TCN1: variants seen among roughly 807,000 people sequenced by gnomAD.
TCN1 encodes transcobalamin 1.
In TCN1, 47 loss-of-function variants were observed where a neutral mutation model predicts 46.3. The observed-to-expected ratio is 1.01, with a 90% confidence interval of 0.80 to 1.29. The LOEUF (loss-of-function observed/expected upper bound fraction) is 1.29, where lower values mean the gene tolerates loss of function less well. Among genes scored for constraint, TCN1 ranks in the 50% most tolerant of loss-of-function variants. The probability of loss-of-function intolerance (pLI) is 0.00; values close to 1 mark genes in which losing one functional copy is unlikely to be tolerated. For missense variants in TCN1, 532 were observed against 511.0 expected, an observed-to-expected ratio of 1.04 and a Z score of -0.40; for synonymous variants, 183 against 192.5, an observed-to-expected ratio of 0.95 and a Z score of 0.41.
At position 59,854,632 on chromosome 11, in the gene TCN1, T is replaced by C; in HGVS notation, c.1121+20A>G. 1 of 1,611,464 alleles carries C rather than the reference T, an allele frequency of 6.2e-7. No homozygotes were observed. Among genetic ancestry groups the C allele is most frequent in the Non-Finnish European group, 8.5e-7 (1 of 1,177,926 alleles). On this transcript the variant is annotated intron_variant, in intron 7 of 8. Coordinates refer to ENST00000257264, the MANE Select transcript of TCN1 (RefSeq NM_001062.4). ...GAAATGACAGCAAACATCTTAACCT[T>C]AGGTTAGGTACAGACCTACCCAAAT...
Position 59,853,314 on chromosome 11 carries a change from T to G in TCN1, c.1129A>C (p.Met377Leu), listed in dbSNP as rs1166016566. ...KMNDTIFGFT[M>L]EERSWGPYIT... ...TAGGGCCCCCATGAGCGCTCCTCCATTGTGAAACTGTGGGTGACAGCAAGT... is the reference window on the plus strand; with the variant it reads ...TAGGGCCCCCATGAGCGCTCCTCCAGTGTGAAACTGTGGGTGACAGCAAGT... Residue 377 changes from methionine (M) to leucine (L), a missense_variant, in exon 8 of 9, where the codon ATG becomes CTG. Physicochemically the swap from Met to Leu is conservative, Grantham distance 15 (BLOSUM62 2). Transcript: ENST00000257264. 6.2e-7 allele frequency: 1 copy of G among 1,613,690 alleles called. No homozygotes were observed. Among genetic ancestry groups the G allele is most frequent in the Admixed American group, 1.7e-5 (1 of 60,006 alleles).
chr11:59,864,033 G>A lies in TCN1; in HGVS notation c.133C>T (p.Gln45Ter). 1 of 1,613,938 alleles carries A rather than the reference G, an allele frequency of 6.2e-7. No homozygotes were observed. The highest frequency in any genetic ancestry group is 8.5e-7 in the Non-Finnish European group (1 of 1,179,828). The change falls in exon 2 of 9, where the codon CAG becomes TAG. Residue 45 changes from glutamine (Q) to a stop codon, truncating the protein, a stop_gained. Transcript: ENST00000257264. LOFTEE classifies it high-confidence loss of function. ...CTGGTTCCCCTGTTATAGTTTGACT[G>A]GATCATTGTATTCAACAGAGGTTTT... is the stretch of plus-strand genomic sequence containing the variant. ...RLKPLLNTMIQSNYNRGTSAV... is the reference protein window; with the variant it reads ...RLKPLLNTMI
At chr11:59,855,127 C>CT (rs950807441) in intron 6 of TCN1, among the ~76,000 whole-genome samples, 14 of 150,254 alleles carry the variant, frequency 9.3e-5, no homozygotes, top group Admixed American at 1.3e-4. Context: ...TTTTTTTTTT[C>CT]TTTTTTTGCC....
At chr11:59,859,512 A>AT (rs1852995052) in intron 4 of TCN1, among the ~76,000 whole-genome samples, 1 of 152,204 alleles carries the variant, frequency 6.6e-6, no homozygotes, top group South Asian at 2.1e-4. Flanking sequence ...TCCATAGTTC[A>AT]TACCTCATAC....
At chr11:59,856,975 G>C (rs543922795) in intron 5 of TCN1, among the ~76,000 whole-genome samples, 1 of 152,226 alleles carries the variant, frequency 6.6e-6, no homozygotes, top group Non-Finnish European at 1.5e-5. Flanking sequence ...GGTCGGACTT[G>C]AACATGCTGC....
intron 3 of TCN1, 57 bp downstream of exon 3, chr11:59,862,525 T>C: frequency 1.3e-6 from 2 of 1,593,428 alleles, no homozygotes; most frequent in Non-Finnish European, 1.7e-6. Flanking sequence ...CATATAGTTT[T>C]GAATCAGTGG....
Position 59,852,812 on chromosome 11 carries a change from G to T in TCN1, c.*163C>A. On this transcript the variant is annotated 3_prime_UTR_variant, in exon 9 of 9. Coordinates refer to ENST00000257264, the MANE Select transcript of TCN1 (RefSeq NM_001062.4). Reference sequence around the variant, plus strand: ...AATTAGAACATGCTCTTTTTGTATAGTTGTTAATCTTTCAACAACTTTTAT... The same window carrying T: ...AATTAGAACATGCTCTTTTTGTATATTTGTTAATCTTTCAACAACTTTTAT... The T allele has an allele frequency of 2.7e-6, 2 of 748,362 alleles. No individual in the cohort carries two copies. The highest frequency in any genetic ancestry group is 2.0e-5 in the Admixed American group (1 of 51,254). The allele number at this position is 748,362 out of a possible 1,614,324, so 46.4% of individuals were successfully genotyped here.
rs1353734486 is a variant in TCN1, at chr11:59,859,183, A to C, written c.641T>G (p.Leu214Ter). ...CTTTGTATAAATACTGATGTTCTTT[A>C]AACTGCCTTCATCTGCTTTGATCTG... is the stretch of plus-strand genomic sequence containing the variant. The part of the protein sequence containing the change: ...NGQIKADEGS[L>*]KNISIYTKSL... Residue 214 changes from leucine to a stop codon, truncating the protein, a stop_gained, in exon 5 of 9, where the codon TTA becomes TGA. Coordinates refer to ENST00000257264, the MANE Select transcript of TCN1 (RefSeq NM_001062.4). LOFTEE classifies it high-confidence loss of function. 1 of 1,613,966 alleles carries C rather than the reference A, an allele frequency of 6.2e-7. No homozygotes were observed. The highest frequency in any genetic ancestry group is 1.1e-5 in the South Asian group (1 of 91,074).
intron 4 of TCN1, among the ~76,000 whole-genome samples, chr11:59,860,311 T>C (rs966700166): frequency 2.6e-5 from 4 of 152,046 alleles, no homozygotes; most frequent in Non-Finnish European, 4.4e-5. Flanking sequence ...GTATTTTTAG[T>C]AGAGACGGGG....
chr11:59,857,250 T>C (rs1852954146), intron 5 of TCN1, among the ~76,000 whole-genome samples: 1 of 152,198 alleles, frequency 6.6e-6, no homozygotes, highest in African/African-American at 2.4e-5. Context: ...CTGTAGGGCT[T>C]TTAAACCAGA....
rs1739888554 is a variant in TCN1, at chr11:59,863,925, A to G, written c.241T>C (p.Tyr81His). Residue 81 changes from tyrosine (Y) to histidine (H), a missense_variant, in exon 2 of 9, where the codon TAC (tyrosine) becomes CAC (histidine). By Grantham distance (83) the Tyr-to-His change is moderately conservative. Coordinates refer to ENST00000257264, the MANE Select transcript of TCN1 (RefSeq NM_001062.4). Reference protein sequence around the residue: ...LMQKMIQQIKYNVKSRLSDVS... With the variant: ...LMQKMIQQIKHNVKSRLSDVS... ...AACTTACATCTGCTTTTCACATTGT[A>G]TTTGATTTGTTGGATCATCTTTTGC... 6.2e-7 allele frequency: 1 copy of G among 1,613,702 alleles called. No homozygotes were observed. The highest frequency in any genetic ancestry group is 1.1e-5 in the South Asian group (1 of 91,074).
At chr11:59,863,444 A>G (rs150384705) in intron 2 of TCN1, among the ~76,000 whole-genome samples, 102 of 152,208 alleles carry the variant, frequency 6.7e-4, no homozygotes, top group African/African-American at 2.3e-3. Context: ...TCTTATAATA[A>G]TATTATGAGG....
At chr11:59,855,806 A>G (rs1852924359) in intron 6 of TCN1, 63 bp downstream of exon 6, 1 of 1,585,786 alleles carries the variant, frequency 6.3e-7, no homozygotes. Context: ...GGACACCTGA[A>G]TCTCACATGC....
chr11:59,864,378 A>G (rs1853050911), intron 1 of TCN1, among the ~76,000 whole-genome samples: 1 of 152,158 alleles, frequency 6.6e-6, no homozygotes, highest in African/African-American at 2.4e-5. Context: ...TCATTCCCTA[A>G]TTTTGTATAT....
intron 1 of TCN1, among the ~76,000 whole-genome samples, chr11:59,865,238 T>G (rs959117540): frequency 2.0e-5 from 3 of 152,114 alleles, no homozygotes; most frequent in African/African-American, 7.2e-5. Flanking sequence ...AATGGAACAA[T>G]TGTGAGTCAG....
intron 4 of TCN1, among the ~76,000 whole-genome samples, chr11:59,861,044 A>G (rs1346106258): frequency 6.6e-6 from 1 of 152,206 alleles, no homozygotes; most frequent in East Asian, 1.9e-4. Context: ...CAAGGTGAAT[A>G]TACAATCTAT....
chr11:59,853,457 T>G (rs889356236), intron 7 of TCN1, 136 bp from the exon 8 acceptor site: 1 of 837,704 alleles, frequency 1.2e-6, no homozygotes, highest in African/African-American at 1.7e-5. Flanking sequence ...GCCCTATCCA[T>G]AGATATTTTT....
Position 59,856,048 on chromosome 11 carries a change from A to G in TCN1, c.758T>C (p.Val253Ala). 1 of 1,410,706 alleles carries G rather than the reference A, an allele frequency of 7.1e-7. No homozygotes were observed. Among genetic ancestry groups the G allele is most frequent in the Non-Finnish European group, 9.5e-7 (1 of 1,052,130 alleles). 87.4% of individuals were successfully genotyped at this position (1,410,706 alleles called of 1,614,324 possible). A position where few individuals can be genotyped will look rare whatever the true frequency, so the allele number is the denominator to read the frequency against. The change falls in exon 6 of 9, where the codon GTA (valine) becomes GCA (alanine). Residue 253 changes from valine (V) to alanine (A), a missense_variant. Val to Ala is a moderately conservative substitution (Grantham distance 64). Transcript: ENST00000257264. ...STGEAMQALF[V>A]SSDYYNENDW... The stretch of plus-strand genomic sequence containing the variant: ...ATTTTCATTATAATAGTCTGATGAT[A>G]CAAAGAGGGCCTAATGAGGCAGGGT...
In TCN1 at chr11:59,854,648, C is replaced by T. The variant is rs768488747; in HGVS notation, c.1121+4G>A. The T allele has an allele frequency of 6.2e-7, 1 of 1,613,534 alleles. No homozygotes were observed. On this transcript the variant is annotated splice_donor_region_variant and intron_variant, in intron 7 of 8. Coordinates refer to ENST00000257264, the MANE Select transcript of TCN1 (RefSeq NM_001062.4). ...TCTTAACCTTAGGTTAGGTACAGAC[C>T]TACCCAAATATAGTATCATTCATTT...
Sources: gnomAD v4.1 joint callset for allele counts (sites outside exome capture counted in the v4.1 genomes callset) on GRCh38, gnomAD v4.1.1 for gene constraint, MANE v1.5 for transcripts, NCBI Gene and HGNC (gene_info 2026-07-23, HGNC 2026-07-21) for gene names.